RBFOX1: variants seen among roughly 807,000 people sequenced by gnomAD.
RBFOX1 encodes the protein RNA binding protein fox-1 homolog 1.
Under a neutral mutation model 57.7 loss-of-function variants are expected in RBFOX1, and 8 were observed. The observed-to-expected ratio is 0.14, with a 90% CI of 0.08 to 0.25. The LOEUF is 0.25. Among genes scored for constraint, RBFOX1 ranks in the 10% least tolerant of loss-of-function variants. The pLI is 1.00. For missense variants in RBFOX1, 611 were observed against 548.5 expected (o/e 1.11, Z -1.14); for synonymous variants, 326 against 222.4 (o/e 1.47, Z -4.15).
chr16:7,407,828 G>A (rs1327305694), intron 4 of RBFOX1, among the ~76,000 whole-genome samples: 1 of 152,032 alleles, frequency 6.6e-6, no homozygotes, highest in Admixed American at 6.6e-5. Context: ...CACTGGGGGT[G>A]GGAAAACTAT....
intron 3 of RBFOX1, among the ~76,000 whole-genome samples, chr16:6,941,352 T>C (rs907142461): frequency 7.6e-6 from 1 of 131,158 alleles, no homozygotes; most frequent in Non-Finnish European, 1.7e-5. Flanking sequence ...CCTTCCTTCC[T>C]TCCTTCTCTA....
chr16:6,754,029 A>G (rs193129435), intron 3 of RBFOX1, among the ~76,000 whole-genome samples: 7 of 152,302 alleles, frequency 4.6e-5, no homozygotes, highest in Admixed American at 6.5e-5. Flanking sequence ...CTTGCTGAGT[A>G]GTTTATCCAA....
At chr16:6,461,353 C>G (rs1325461310) in intron 2 of RBFOX1, among the ~76,000 whole-genome samples, 1 of 152,132 alleles carries the variant, frequency 6.6e-6, no homozygotes, top group Non-Finnish European at 1.5e-5. Context: ...TCGTTAAAGA[C>G]CTTATCTCCA....
intron 2 of RBFOX1, among the ~76,000 whole-genome samples, chr16:6,327,526 G>A (rs2082514739): frequency 6.6e-6 from 1 of 152,028 alleles, no homozygotes; most frequent in Non-Finnish European, 1.5e-5. Context: ...TGGGCTTTCT[G>A]CTCTTAGCTG....
intron 3 of RBFOX1, among the ~76,000 whole-genome samples, chr16:5,830,243 C>G (rs1009167582): frequency 6.6e-6 from 1 of 152,150 alleles, no homozygotes; most frequent in Non-Finnish European, 1.5e-5. Flanking sequence ...CCCTCCCTAT[C>G]TAGTTGGTTC....
chr16:7,121,301 T>C (rs1600123365), intron 4 of RBFOX1, among the ~76,000 whole-genome samples: 1 of 152,172 alleles, frequency 6.6e-6, no homozygotes, highest in East Asian at 1.9e-4. Flanking sequence ...AGCATATCGG[T>C]TGGAAATTAA....
At chr16:7,577,756 G>A (rs1469804423) in intron 5 of RBFOX1, among the ~76,000 whole-genome samples, 1 of 152,138 alleles carries the variant, frequency 6.6e-6, no homozygotes, top group Non-Finnish European at 1.5e-5. Flanking sequence ...AAAATTAGCT[G>A]GGTATAATGG....
chr16:6,912,716 C>CA (rs1440935634), intron 3 of RBFOX1, among the ~76,000 whole-genome samples: 1 of 151,764 alleles, frequency 6.6e-6, no homozygotes, highest in Non-Finnish European at 1.5e-5. Flanking sequence ...CTCCTGGGCT[C>CA]AAGCAAGCCT....
intron 4 of RBFOX1, among the ~76,000 whole-genome samples, chr16:7,222,275 C>G (rs988079578): frequency 7.9e-5 from 12 of 152,112 alleles, no homozygotes; most frequent in Non-Finnish European, 1.5e-4. Flanking sequence ...GTCTCAGAAG[C>G]GTAAGATATA....
chr16:7,244,552 A>C (rs1041650094), intron 4 of RBFOX1, among the ~76,000 whole-genome samples: 3 of 152,210 alleles, frequency 2.0e-5, no homozygotes, highest in Non-Finnish European at 2.9e-5. Context: ...GGTGGCTCTC[A>C]GTTGCAATGC....
intron 3 of RBFOX1, among the ~76,000 whole-genome samples, chr16:6,848,224 C>T (rs186576239): frequency 8.5e-5 from 13 of 152,092 alleles, no homozygotes; most frequent in African/African-American, 1.7e-4. Flanking sequence ...ATGGTGAGCT[C>T]GGGCCCATGA....
rs529328616 is a variant in RBFOX1 at position 6,531,541 on chromosome 16, C to CAA, written c.-63-123061_-63-123060insAA. 1.8e-4 allele frequency among the ~76,000 whole-genome samples: 28 copies of CAA among 152,236 alleles called. No individual in the cohort carries two copies. In the East Asian group the frequency reaches 3.3e-3, roughly 18 times the overall value. ...TTTTCATAGTTTTTAATTTTAATATCATTGGCTTTTGGAAAATACCTATTG... is the reference window on the plus strand; with the variant it reads ...TTTTCATAGTTTTTAATTTTAATATCAAATTGGCTTTTGGAAAATACCTATTG... On this transcript the variant is annotated intron_variant, in intron 2 of 15. Coordinates refer to ENST00000550418, the MANE Select transcript of RBFOX1 (RefSeq NM_018723.4).
intron 4 of RBFOX1, among the ~76,000 whole-genome samples, chr16:5,993,335 C>A (rs111721773): frequency 2.5e-5 from 3 of 121,766 alleles, no homozygotes; most frequent in African/African-American, 1.0e-4. Flanking sequence ...TTTGATAATG[C>A]TGTACGTGTG....
At chr16:6,966,541 C>T (rs184809865) in intron 3 of RBFOX1, among the ~76,000 whole-genome samples, 54 of 151,862 alleles carry the variant, frequency 3.6e-4, no homozygotes, top group African/African-American at 1.3e-3. Context: ...AGAGATGGAT[C>T]GAGTTATGCA....
intron 3 of RBFOX1, among the ~76,000 whole-genome samples, chr16:6,944,675 C>G (rs1027526271): frequency 2.6e-5 from 4 of 152,138 alleles, no homozygotes; most frequent in Admixed American, 6.5e-5. Context: ...GTGCAGGAAC[C>G]TGGGCTGATT....
At chr16:6,949,677 G>A (rs977984848) in intron 3 of RBFOX1, among the ~76,000 whole-genome samples, 9 of 151,968 alleles carry the variant, frequency 5.9e-5, no homozygotes, top group African/African-American at 2.2e-4. Context: ...GACCTCCTTT[G>A]ACCTTAATTA....
At chr16:6,286,028 C>T (rs940950103) in intron 1 of RBFOX1, among the ~76,000 whole-genome samples, 1 of 152,154 alleles carries the variant, frequency 6.6e-6, no homozygotes, top group South Asian at 2.1e-4. Flanking sequence ...GGTGACGAGG[C>T]TGCATCAAAA....
At chr16:6,671,443 A>T (rs993234420) in intron 3 of RBFOX1, among the ~76,000 whole-genome samples, 7 of 152,230 alleles carry the variant, frequency 4.6e-5, no homozygotes, top group African/African-American at 1.4e-4. Context: ...ACATCATTTT[A>T]TTAATTTGAT....
At chr16:5,942,154 G>C (rs554882797) in intron 4 of RBFOX1, among the ~76,000 whole-genome samples, 3 of 152,256 alleles carry the variant, frequency 2.0e-5, no homozygotes, top group African/African-American at 7.2e-5. Flanking sequence ...GTGCAATAGA[G>C]AAAGAAGTTT....
Sources: allele counts gnomAD v4.1 joint callset (sites outside exome capture counted in the v4.1 genomes callset), GRCh38; gene constraint gnomAD v4.1.1; transcripts MANE v1.5; gene names NCBI Gene and HGNC (gene_info 2026-07-23, HGNC 2026-07-21).